SHB: variants seen among roughly 807,000 people sequenced by gnomAD.
SHB encodes SH2 domain containing adaptor protein B.
In SHB, 20 loss-of-function variants were observed where a neutral mutation model predicts 52.3. The ratio of observed to expected loss-of-function variants is 0.38; its 90% CI spans 0.27 to 0.56. SHB has a LOEUF of 0.56. SHB is among the 20% of genes least tolerant of loss of function. The pLI is 0.71. For synonymous variants in SHB, 397 were observed against 316.5 expected, an observed-to-expected ratio of 1.25 and a Z score of -2.70; for missense variants, 825 against 723.3, an observed-to-expected ratio of 1.14 and a Z score of -1.61.
chr9:38,015,351 T>C (rs1484979254), intron 2 of SHB: 18 of 697,002 alleles, frequency 2.6e-5, no homozygotes, highest in South Asian at 1.8e-4. Flanking sequence ...CTGGCTAAAA[T>C]AGGCCCCCAG....
intron 2 of SHB, among the ~76,000 whole-genome samples, chr9:38,004,465 G>C (rs1029817538): frequency 6.6e-6 from 1 of 152,208 alleles, no homozygotes; most frequent in Non-Finnish European, 1.5e-5. Context: ...CACCCTCCCA[G>C]GGCTGTGCTG....
intron 2 of SHB, among the ~76,000 whole-genome samples, chr9:37,997,811 A>G (rs566874457): frequency 6.6e-6 from 1 of 152,318 alleles, no homozygotes; most frequent in South Asian, 2.1e-4. Flanking sequence ...CCAGCTTATC[A>G]AACAACAGCT....
chr9:37,972,631 G>T (rs1317846966), intron 3 of SHB, among the ~76,000 whole-genome samples: 1 of 152,184 alleles, frequency 6.6e-6, no homozygotes, highest in Non-Finnish European at 1.5e-5. Context: ...TGTGTACCAG[G>T]GAGGGCTTGG....
chr9:37,965,887 G>A (rs1239626423), intron 3 of SHB, among the ~76,000 whole-genome samples: 3 of 152,190 alleles, frequency 2.0e-5, no homozygotes, highest in Non-Finnish European at 2.9e-5. Context: ...CACAGTGAGT[G>A]CTCATAGATG....
chr9:38,016,422 A>T (rs17439509), intron 1 of SHB, among the ~76,000 whole-genome samples: 1 of 152,194 alleles, frequency 6.6e-6, no homozygotes, highest in East Asian at 1.9e-4. Flanking sequence ...AACAATGCAC[A>T]CTAAGCATGG....
At chr9:38,046,042 CA>C (rs1167349371) in intron 1 of SHB, among the ~76,000 whole-genome samples, 1 of 151,670 alleles carries the variant, frequency 6.6e-6, no homozygotes. Flanking sequence ...GCCTGGCCAA[CA>C]TGATGAAACC....
chr9:38,006,666 T>C (rs2118054591), intron 2 of SHB, among the ~76,000 whole-genome samples: 1 of 152,318 alleles, frequency 6.6e-6, no homozygotes, highest in Admixed American at 6.5e-5. Flanking sequence ...TAGGGATGTG[T>C]TCCGAGGGGC....
At chr9:37,930,147 T>C (rs1313527110) in intron 5 of SHB, among the ~76,000 whole-genome samples, 3 of 152,078 alleles carry the variant, frequency 2.0e-5, no homozygotes, top group Non-Finnish European at 4.4e-5. Context: ...TGGTCATAGA[T>C]GGTCAATGGC....
intron 2 of SHB, among the ~76,000 whole-genome samples, chr9:38,013,117 C>T (rs576421240): frequency 1.3e-5 from 2 of 152,092 alleles, no homozygotes; most frequent in Non-Finnish European, 2.9e-5. Context: ...GAAAACACCC[C>T]TTTTAATAAC....
At chr9:37,923,847 C>T (rs7031755) in intron 5 of SHB, among the ~76,000 whole-genome samples, 5,395 of 152,294 alleles carry the variant, frequency 0.035, 141 homozygotes, top group East Asian at 0.1. Flanking sequence ...TGGCCCAAGG[C>T]GCACAGCAAG....
chr9:37,968,282 C>A (rs1820553178), intron 3 of SHB, among the ~76,000 whole-genome samples: 1 of 152,140 alleles, frequency 6.6e-6, no homozygotes, highest in East Asian at 1.9e-4. Context: ...GTGACCATCC[C>A]CATTTTACAG....
At chr9:38,027,619 G>A (rs1303624976) in intron 1 of SHB, among the ~76,000 whole-genome samples, 1 of 150,700 alleles carries the variant, frequency 6.6e-6, no homozygotes, top group Non-Finnish European at 1.5e-5. Context: ...GCTACCCATG[G>A]TGGGCAACTA....
At chr9:38,036,451 C>T (rs186234781) in intron 1 of SHB, among the ~76,000 whole-genome samples, 29 of 152,368 alleles carry the variant, frequency 1.9e-4, no homozygotes, top group African/African-American at 6.0e-4. Context: ...CTTGCCAAAA[C>T]GTGCCGCCTG....
intron 2 of SHB, among the ~76,000 whole-genome samples, chr9:38,012,648 G>A (rs1250305081): frequency 1.3e-5 from 2 of 151,708 alleles, no homozygotes; most frequent in African/African-American, 2.4e-5. Context: ...GGGGAAAACC[G>A]AGGTCCCTGG....
intron 2 of SHB, among the ~76,000 whole-genome samples, chr9:38,014,633 G>C (rs1821186654): frequency 6.6e-6 from 1 of 152,256 alleles, no homozygotes. Flanking sequence ...GTGGGCATGA[G>C]AGGGATGCTC....
At chr9:37,927,778 C>A (rs1832266884) in intron 5 of SHB, among the ~76,000 whole-genome samples, 2 of 152,122 alleles carry the variant, frequency 1.3e-5, no homozygotes, top group Non-Finnish European at 2.9e-5. Flanking sequence ...CCGCTGGATG[C>A]CTTTTGTAGT....
Position 38,068,095 on chromosome 9 carries a change from C to A in SHB, c.551G>T (p.Arg184Leu). Residue 184 changes from arginine (R) to leucine (L), a missense_variant, in exon 1 of 6, where the codon CGC becomes CTC. By Grantham distance (102) the Arg-to-Leu change is moderately radical. Transcript: ENST00000377707. The part of the protein sequence containing the change: ...AEVRYISPKH[R>L]LIKVESAAGG... ...CGCGGCGCTCTCCACTTTGATGAGG[C>A]GGTGCTTGGGGGAGATGTAGCGCAC... is the stretch of plus-strand genomic sequence containing the variant. 1 of 1,495,412 alleles carries A rather than the reference C, an allele frequency of 6.7e-7. No homozygotes were observed. Among genetic ancestry groups the A allele is most frequent in the Non-Finnish European group, 8.8e-7 (1 of 1,133,850 alleles). The allele number at this position is 1,495,412 out of a possible 1,614,324, so 92.6% of individuals were successfully genotyped here. A position where few individuals can be genotyped will look rare whatever the true frequency, so the allele number is the denominator to read the frequency against.
chr9:37,957,358 C>T (rs1832647554), intron 3 of SHB, among the ~76,000 whole-genome samples: 1 of 152,242 alleles, frequency 6.6e-6, no homozygotes. Flanking sequence ...GGCGGGGTAA[C>T]GTGCTGTCTG....
intron 2 of SHB, among the ~76,000 whole-genome samples, chr9:37,999,027 C>G (rs1820981947): frequency 6.6e-6 from 1 of 152,184 alleles, no homozygotes; most frequent in South Asian, 2.1e-4. Flanking sequence ...TGCGGGATCA[C>G]AGAGCCCTGG....
Sources: gnomAD v4.1 joint callset for allele counts (sites outside exome capture counted in the v4.1 genomes callset) on GRCh38, gnomAD v4.1.1 for gene constraint, MANE v1.5 for transcripts, NCBI Gene and HGNC (gene_info 2026-07-23, HGNC 2026-07-21) for gene names.